SUPT3H: variants seen among roughly 807,000 people sequenced by gnomAD.
SUPT3H encodes the protein SPT3 homolog, SAGA and STAGA complex component.
Under a neutral mutation model 44.3 loss-of-function variants are expected in SUPT3H, and 44 were observed. That is an observed-to-expected ratio of 0.99 (90% confidence interval 0.78 to 1.28). The LOEUF is 1.28. Ranked by LOEUF, SUPT3H falls within the 50% of genes most tolerant of loss-of-function variation. The pLI is 0.00. For synonymous variants in SUPT3H, 124 were observed against 125.6 expected, an observed-to-expected ratio of 0.99 and a Z score of 0.09; for missense variants, 380 against 387.1, an observed-to-expected ratio of 0.98 and a Z score of 0.15.
intron 3 of SUPT3H, among the ~76,000 whole-genome samples, chr6:45,102,977 C>T (rs1333289321): frequency 6.6e-6 from 1 of 150,742 alleles, no homozygotes; most frequent in African/African-American, 2.4e-5. Context: ...CAAAGAATTA[C>T]AGGAAAAAAC....
At chr6:44,972,963 A>G (rs1777804343) in intron 6 of SUPT3H, among the ~76,000 whole-genome samples, 1 of 152,106 alleles carries the variant, frequency 6.6e-6, no homozygotes, top group East Asian at 1.9e-4. Context: ...GACCTCTGAC[A>G]TGCCTTGGAG....
At chr6:45,233,598 C>G (rs1768489786) in intron 2 of SUPT3H, among the ~76,000 whole-genome samples, 1 of 152,228 alleles carries the variant, frequency 6.6e-6, no homozygotes, top group South Asian at 2.1e-4. Flanking sequence ...TATGGGCTCC[C>G]AACCAATCTC....
At chr6:45,122,739 A>G (rs1364138842) in intron 2 of SUPT3H, among the ~76,000 whole-genome samples, 1 of 152,204 alleles carries the variant, frequency 6.6e-6, no homozygotes, top group Non-Finnish European at 1.5e-5. Context: ...TAGAAGATAT[A>G]TCAAATTAAA....
At chr6:44,935,920 C>T (rs1364346884) in intron 9 of SUPT3H, among the ~76,000 whole-genome samples, 1 of 152,216 alleles carries the variant, frequency 6.6e-6, no homozygotes. Context: ...GTGTCCTATC[C>T]TTTCTCAGCC....
intron 5 of SUPT3H, among the ~76,000 whole-genome samples, chr6:45,008,054 T>C (rs574679876): frequency 3.9e-5 from 6 of 152,336 alleles, no homozygotes; most frequent in African/African-American, 1.4e-4. Context: ...TTTATATGAA[T>C]ATTCCATACT....
downstream of SUPT3H, among the ~76,000 whole-genome samples, chr6:44,826,096 A>G (rs1561837967): frequency 6.6e-6 from 1 of 152,124 alleles, no homozygotes; most frequent in Non-Finnish European, 1.5e-5. Flanking sequence ...TCCGACTTAC[A>G]ACATTTGAGA....
chr6:44,993,408 G>A (rs1014666198), intron 6 of SUPT3H, among the ~76,000 whole-genome samples: 1 of 149,754 alleles, frequency 6.7e-6, no homozygotes, highest in Non-Finnish European at 1.5e-5. Context: ...TTATAGATCT[G>A]TAACTTGCTT....
At chr6:44,838,164 G>A (rs1770270236) in intron 10 of SUPT3H, among the ~76,000 whole-genome samples, 2 of 152,212 alleles carry the variant, frequency 1.3e-5, no homozygotes, top group African/African-American at 2.4e-5. Flanking sequence ...GTAGCCACCT[G>A]AGAAGATATA....
chr6:44,976,659 G>C (rs1778387787), intron 6 of SUPT3H, among the ~76,000 whole-genome samples: 1 of 151,974 alleles, frequency 6.6e-6, no homozygotes, highest in South Asian at 2.1e-4. Flanking sequence ...CACTGCGCCC[G>C]GCCATATTTT....
intron 3 of SUPT3H, among the ~76,000 whole-genome samples, chr6:45,032,662 A>G (rs1787120368): frequency 6.6e-6 from 1 of 152,184 alleles, no homozygotes; most frequent in Admixed American, 6.6e-5. Flanking sequence ...AACAGCGTAG[A>G]GAAGATGGAA....
At chr6:45,335,747 T>C (rs1788417155) in intron 2 of SUPT3H, among the ~76,000 whole-genome samples, 1 of 151,234 alleles carries the variant, frequency 6.6e-6, no homozygotes, top group Non-Finnish European at 1.5e-5. Context: ...AAGTAATCTA[T>C]GAGAAAACTC....
At chr6:45,082,919 AG>A (rs1302360106) in intron 3 of SUPT3H, among the ~76,000 whole-genome samples, 1 of 152,184 alleles carries the variant, frequency 6.6e-6, no homozygotes, top group Non-Finnish European at 1.5e-5. Context: ...AAATGACTTT[AG>A]TAAAGTTTCA....
intron 2 of SUPT3H, among the ~76,000 whole-genome samples, chr6:45,324,390 C>T (rs1186590171): frequency 6.6e-6 from 1 of 151,922 alleles, no homozygotes; most frequent in African/African-American, 2.4e-5. Flanking sequence ...ACAACTGAGG[C>T]ATTACATATT....
intron 10 of SUPT3H, among the ~76,000 whole-genome samples, chr6:44,921,326 T>A (rs1377917371): frequency 1.3e-5 from 2 of 152,234 alleles, no homozygotes; most frequent in Non-Finnish European, 2.9e-5. Context: ...CAGGAAGGCA[T>A]GTACTTTGGA....
intron 9 of SUPT3H, among the ~76,000 whole-genome samples, chr6:44,942,072 G>A (rs1772534095): frequency 6.6e-6 from 1 of 152,074 alleles, no homozygotes; most frequent in Non-Finnish European, 1.5e-5. Flanking sequence ...GGATCGGGAA[G>A]AAATGTTTAA....
chr6:44,940,209 C>T (rs1278641795), intron 9 of SUPT3H, among the ~76,000 whole-genome samples: 1 of 151,980 alleles, frequency 6.6e-6, no homozygotes, highest in Non-Finnish European at 1.5e-5. Context: ...TTTTGCAATG[C>T]TTTTGCTGTA....
At chr6:44,839,224 A>G (rs1770480358) in intron 10 of SUPT3H, among the ~76,000 whole-genome samples, 1 of 152,154 alleles carries the variant, frequency 6.6e-6, no homozygotes, top group Non-Finnish European at 1.5e-5. Flanking sequence ...TTATCACACT[A>G]TTGTCCAAGT....
At chr6:45,012,777 G>T (rs1783683275) in intron 5 of SUPT3H, among the ~76,000 whole-genome samples, 1 of 151,984 alleles carries the variant, frequency 6.6e-6, no homozygotes, top group South Asian at 2.1e-4. Flanking sequence ...AGATAATACA[G>T]TGTAGCAAAT....
intron 10 of SUPT3H, among the ~76,000 whole-genome samples, chr6:44,894,593 G>A (rs1291320788): frequency 6.6e-6 from 1 of 152,034 alleles, no homozygotes; most frequent in East Asian, 1.9e-4. Flanking sequence ...CTCTGTTTTG[G>A]TACCAGTACC....
Sources: gnomAD v4.1 joint callset for allele counts (sites outside exome capture counted in the v4.1 genomes callset) on GRCh38, gnomAD v4.1.1 for gene constraint, MANE v1.5 for transcripts, NCBI Gene and HGNC (gene_info 2026-07-23, HGNC 2026-07-21) for gene names.